Variants in FOXN2 observed in about 807,000 individuals in gnomAD.
FOXN2 encodes the protein forkhead box N2, also known as forkhead box protein N2.
In FOXN2, 19 loss-of-function variants were observed where a neutral mutation model predicts 41.2. The observed-to-expected ratio is 0.46, with a 90% CI of 0.32 to 0.68. FOXN2 has a LOEUF of 0.68. Ranked by LOEUF, FOXN2 falls within the 30% of genes least tolerant of loss-of-function variation. The pLI, the probability that FOXN2 is intolerant of heterozygous loss-of-function variation, is 0.03. For missense variants in FOXN2, 587 were observed against 509.4 expected (o/e 1.15, Z -1.47); for synonymous variants, 195 against 176.8 (o/e 1.10, Z -0.82).
At chr2:48,368,932 T>C (rs528020369) in intron 5 of FOXN2, among the ~76,000 whole-genome samples, 4 of 152,330 alleles carry the variant, frequency 2.6e-5, no homozygotes, top group South Asian at 4.1e-4. Context: ...AGCACACTTA[T>C]AAATGTTTTA....
chr2:48,315,122 C>T (rs1668814405), intron 1 of FOXN2, among the ~76,000 whole-genome samples: 1 of 152,070 alleles, frequency 6.6e-6, no homozygotes, highest in Non-Finnish European at 1.5e-5. Context: ...TGTCGCGCGG[C>T]GGAAACCGCG....
intron 1 of FOXN2, among the ~76,000 whole-genome samples, chr2:48,324,194 ATT>A (rs11407371): frequency 6.8e-5 from 9 of 132,338 alleles, no homozygotes; most frequent in African/African-American, 8.6e-5. Context: ...TTGCTCAGTA[ATT>A]TTTTTTTTTT....
intron 6 of FOXN2, among the ~76,000 whole-genome samples, chr2:48,374,148 A>T (rs1467110361): frequency 6.6e-6 from 1 of 152,068 alleles, no homozygotes; most frequent in African/African-American, 2.4e-5. Context: ...TTTTTTCCAT[A>T]TATAACAAAG....
chr2:48,366,049 C>T (rs1672507090), intron 5 of FOXN2, among the ~76,000 whole-genome samples: 1 of 152,074 alleles, frequency 6.6e-6, no homozygotes, highest in African/African-American at 2.4e-5. Flanking sequence ...GAGACCCAGG[C>T]CCTGCTCTTA....
At chr2:48,329,142 A>T (rs1404488236) in intron 2 of FOXN2, among the ~76,000 whole-genome samples, 1 of 152,162 alleles carries the variant, frequency 6.6e-6, no homozygotes, top group Non-Finnish European at 1.5e-5. Flanking sequence ...TTATTGCTTC[A>T]TTTTAACTTC....
At chr2:48,323,900 A>G (rs941970142) in intron 1 of FOXN2, among the ~76,000 whole-genome samples, 3 of 152,030 alleles carry the variant, frequency 2.0e-5, no homozygotes, top group Non-Finnish European at 4.4e-5. Flanking sequence ...TAATTTTTGT[A>G]TATGGTGAGA....
chr2:48,356,121 C>G (rs1671776320), intron 3 of FOXN2, among the ~76,000 whole-genome samples: 1 of 151,910 alleles, frequency 6.6e-6, no homozygotes, highest in Admixed American at 6.6e-5. Flanking sequence ...AAGACTCTGT[C>G]TCCAATTTAA....
At chr2:48,324,467 C>T (rs992862552) in intron 1 of FOXN2, among the ~76,000 whole-genome samples, 1 of 152,032 alleles carries the variant, frequency 6.6e-6, no homozygotes, top group African/African-American at 2.4e-5. Context: ...GTGCTTGGAC[C>T]AGTAAATATT....
rs1673297889 is a variant in FOXN2 at position 48,377,000 on chromosome 2, G to A, written c.*1557G>A. On this transcript the variant is annotated 3_prime_UTR_variant, in exon 7 of 7. Coordinates refer to ENST00000340553, the MANE Select transcript of FOXN2 (RefSeq NM_002158.4). The stretch of plus-strand genomic sequence containing the variant: ...AATTTTAACTTTTAATTTTTATTTT[G>A]GCAAAACTGTCAAATGAGAAAAATG... The A allele has an allele frequency of 6.6e-6, 1 of 151,772 alleles. No individual in the cohort carries two copies. The highest frequency in any genetic ancestry group is 1.5e-5 in the Non-Finnish European group (1 of 67,828). The allele number at this position is 151,772 out of a possible 1,614,324, so 9.4% of individuals were successfully genotyped here.
intron 5 of FOXN2, among the ~76,000 whole-genome samples, chr2:48,363,107 A>G (rs550204906): frequency 1.3e-5 from 2 of 152,326 alleles, no homozygotes; most frequent in South Asian, 4.1e-4. Flanking sequence ...TCTAGAAGGC[A>G]TTGTTACAGT....
At chr2:48,351,005 A>G (rs1041076519) in intron 3 of FOXN2, among the ~76,000 whole-genome samples, 3 of 152,004 alleles carry the variant, frequency 2.0e-5, no homozygotes, top group Non-Finnish European at 2.9e-5. Context: ...TCACTTTGTC[A>G]TCCAGGCTGG....
intron 2 of FOXN2, among the ~76,000 whole-genome samples, chr2:48,329,760 A>T (rs1395873859): frequency 6.6e-6 from 1 of 152,212 alleles, no homozygotes; most frequent in African/African-American, 2.4e-5. Flanking sequence ...ATTATTTATA[A>T]TGGAGAATCT....
chr2:48,323,005 T>G (rs2104112833), intron 1 of FOXN2, among the ~76,000 whole-genome samples: 1 of 151,898 alleles, frequency 6.6e-6, no homozygotes, highest in African/African-American at 2.4e-5. Flanking sequence ...TGTAAGTAAA[T>G]AATTGCATTA....
intron 5 of FOXN2, among the ~76,000 whole-genome samples, chr2:48,366,680 TAAAAC>T (rs1672556839): frequency 6.6e-6 from 1 of 152,140 alleles, no homozygotes; most frequent in Non-Finnish European, 1.5e-5. Flanking sequence ...ATTTAATCCT[TAAAAC>T]AACCCTCTGA....
At chr2:48,352,037 CTTGGACTTCAGTTTTGGGCTTCAGTTGT>C (rs1298090308) in intron 3 of FOXN2, among the ~76,000 whole-genome samples, 2 of 138,368 alleles carry the variant, frequency 1.4e-5, no homozygotes, top group Non-Finnish European at 3.2e-5. Context: ...GAATATCATG[CTTGGACTTCAGTTTTGGGCTTCAGTTGT>C]TTGGACTTCA....
rs548232514 is a variant in FOXN2 at position 48,330,859 on chromosome 2, G to A, written c.-15+2157G>A. On this transcript the variant is annotated intron_variant, in intron 2 of 6. Coordinates refer to ENST00000340553, the MANE Select transcript of FOXN2 (RefSeq NM_002158.4). The stretch of plus-strand genomic sequence containing the variant: ...TTTAAGTAGGAAGCTGGAGTAGTAG[G>A]GTCAAAATGGTGAGAAACAATTTTA... 4.6e-5 allele frequency among the ~76,000 whole-genome samples: 7 copies of A among 152,086 alleles called. No homozygotes were observed. The South Asian group carries it at 1.5e-3, about 32-fold the overall frequency.
intron 2 of FOXN2, among the ~76,000 whole-genome samples, chr2:48,329,814 G>A (rs1270336028): frequency 2.0e-5 from 3 of 152,078 alleles, no homozygotes; most frequent in African/African-American, 4.8e-5. Context: ...AGGAAAGGTT[G>A]TGAGTTCCTT....
At position 48,330,033 on chromosome 2, in the gene FOXN2, G is replaced by A. The variant is rs186982819; in HGVS notation, c.-15+1331G>A. Among the ~76,000 whole-genome samples the A allele has an allele frequency of 4.8e-3, 723 of 151,180 alleles. 2 individuals carry two copies. Among genetic ancestry groups the A allele is most frequent in the Non-Finnish European group, 7.9e-3 (534 of 67,758 alleles). On this transcript the variant is annotated intron_variant, in intron 2 of 6. Transcript: ENST00000340553. ...AAAATGGTTTTCCTTTTTTGAGTGAGAACCAACCTTAATTACCAAGAAAAA... is the reference window on the plus strand; with the variant it reads ...AAAATGGTTTTCCTTTTTTGAGTGAAAACCAACCTTAATTACCAAGAAAAA...
intron 2 of FOXN2, chr2:48,340,620 G>C (rs184471036): frequency 2.0e-5 from 3 of 152,154 alleles, no homozygotes; most frequent in Admixed American, 1.3e-4. Context: ...GATTGTACTG[G>C]GTTGGTTTGA....
Sources: gnomAD v4.1 joint callset for allele counts (sites outside exome capture counted in the v4.1 genomes callset) on GRCh38, gnomAD v4.1.1 for gene constraint, MANE v1.5 for transcripts, NCBI Gene and HGNC (gene_info 2026-07-23, HGNC 2026-07-21) for gene names.